Variants in SLC4A10 observed in about 807,000 individuals in gnomAD.
The protein encoded by SLC4A10 is solute carrier family 4 member 10.
A neutral mutation model predicts 137.7 loss-of-function variants in SLC4A10; 42 were observed. The ratio of observed to expected loss-of-function variants is 0.30; its 90% confidence interval spans 0.24 to 0.39. SLC4A10 has a LOEUF of 0.39. Among genes scored for constraint, SLC4A10 ranks in the 10% least tolerant of loss-of-function variants. The pLI, the probability that SLC4A10 is intolerant of heterozygous loss-of-function variation, is 1.00. For synonymous variants in SLC4A10, 474 were observed against 464.1 expected, an observed-to-expected ratio of 1.02 and a Z score of -0.27; for missense variants, 925 against 1,355.0, an observed-to-expected ratio of 0.68 and a Z score of 4.98.
chr2:161,950,742 G>T lies in SLC4A10; in HGVS notation c.2435G>T (p.Trp812Leu). 6.3e-7 allele frequency: 1 copy of T among 1,596,036 alleles called. No homozygotes were observed. The highest frequency in any genetic ancestry group is 2.3e-5 in the East Asian group (1 of 44,214). The change falls in exon 19 of 27, where the codon TGG becomes TTG. Residue 812 changes from tryptophan (W) to leucine (L), a missense_variant. Coordinates refer to ENST00000446997, the MANE Select transcript of SLC4A10 (RefSeq NM_001178015.2). ...ACGCCTTTAGGTCCAAACCCATGGT[G>T]GACAGTAATAGCTGCTATAATTCCA... ...FVTPLGPNPWWTVIAAIIPAL... is the reference protein window; with the variant it reads ...FVTPLGPNPWLTVIAAIIPAL...
intron 1 of SLC4A10, among the ~76,000 whole-genome samples, chr2:161,648,503 C>T (rs934097834): frequency 6.6e-6 from 1 of 152,070 alleles, no homozygotes; most frequent in African/African-American, 2.4e-5. Context: ...ATAAATAGGA[C>T]CAAATGTTCT....
intron 10 of SLC4A10, among the ~76,000 whole-genome samples, chr2:161,883,873 TA>T (rs1376110389): frequency 1.3e-5 from 2 of 152,198 alleles, no homozygotes; most frequent in African/African-American, 4.8e-5. Context: ...TCATTGGATT[TA>T]GGGCCCATCC....
At chr2:161,854,634 C>G (rs2060001410) in intron 4 of SLC4A10, among the ~76,000 whole-genome samples, 1 of 152,144 alleles carries the variant, frequency 6.6e-6, no homozygotes, top group Non-Finnish European at 1.5e-5. Context: ...CATTAACTTT[C>G]CATGAAGTAT....
intron 1 of SLC4A10, among the ~76,000 whole-genome samples, chr2:161,683,265 C>T (rs1400019979): frequency 1.3e-5 from 2 of 152,064 alleles, no homozygotes; most frequent in African/African-American, 2.4e-5. Context: ...ACAAGGACTG[C>T]GTTTAGTTTA....
chr2:161,784,415 T>A (rs190377846), intron 2 of SLC4A10, among the ~76,000 whole-genome samples: 5 of 151,946 alleles, frequency 3.3e-5, no homozygotes, highest in Non-Finnish European at 2.9e-5. Context: ...CCAATAGACA[T>A]GAACATTTCA....
Position 161,848,306 on chromosome 2 carries a change from C to A in SLC4A10, c.417-6664C>A, listed in dbSNP as rs978238732. 1.4e-4 allele frequency among the ~76,000 whole-genome samples: 21 copies of A among 152,096 alleles called. 1 individual carries two copies. Among genetic ancestry groups the A allele is most frequent in the African/African-American group, 5.1e-4 (21 of 41,434 alleles). ...AAACCTTAGTCAGATGCATAGTTTG[C>A]AAACATTTTCTCCTACTCTGTAGGT... On this transcript the variant is annotated intron_variant, in intron 4 of 26. Coordinates refer to ENST00000446997, the MANE Select transcript of SLC4A10 (RefSeq NM_001178015.2).
chr2:161,897,136 T>A (rs4146952), intron 11 of SLC4A10, among the ~76,000 whole-genome samples: 10,410 of 152,240 alleles, frequency 0.068, 459 homozygotes, highest in East Asian at 0.13. Flanking sequence ...AAAGATTTTT[T>A]AAATTTTGTT....
chr2:161,842,647 A>T (rs1157582984), intron 4 of SLC4A10, among the ~76,000 whole-genome samples: 1 of 152,150 alleles, frequency 6.6e-6, no homozygotes, highest in Non-Finnish European at 1.5e-5. Context: ...CTTTAAATAT[A>T]GACTTAAATT....
intron 1 of SLC4A10, among the ~76,000 whole-genome samples, chr2:161,715,414 A>C (rs1344329713): frequency 1.3e-5 from 2 of 152,132 alleles, no homozygotes; most frequent in African/African-American, 4.8e-5. Flanking sequence ...AATGTGTGCC[A>C]AGGTGGTTTG....
intron 19 of SLC4A10, among the ~76,000 whole-genome samples, chr2:161,954,661 T>A (rs1039013826): frequency 3.9e-5 from 6 of 152,218 alleles, no homozygotes; most frequent in African/African-American, 1.4e-4. Context: ...GCTTTATTTA[T>A]TTCCTTTGGT....
In SLC4A10 at chr2:161,811,254, C is replaced by T. The variant is rs538976105; in HGVS notation, c.277+6659C>T. ...TTGATTGTGCTTATTTGGGTCTTCTCTTTTTTTGTTAATCTAACTAGTAGT... is the reference window on the plus strand; with the variant it reads ...TTGATTGTGCTTATTTGGGTCTTCTTTTTTTTTGTTAATCTAACTAGTAGT... On this transcript the variant is annotated intron_variant, in intron 3 of 26. Transcript: ENST00000446997. Among the ~76,000 whole-genome samples the T allele has an allele frequency of 2.2e-3, 335 of 152,002 alleles. 3 individuals carry two copies. Among genetic ancestry groups the T allele is most frequent in the Middle Eastern group, 0.02 (6 of 294 alleles).
At chr2:161,963,411 T>C (rs933782580) in intron 21 of SLC4A10, among the ~76,000 whole-genome samples, 3 of 152,130 alleles carry the variant, frequency 2.0e-5, no homozygotes, top group African/African-American at 7.2e-5. Context: ...GACGTGACAG[T>C]GCTGTATATA....
intron 15 of SLC4A10, among the ~76,000 whole-genome samples, chr2:161,913,494 T>A (rs1372359441): frequency 2.0e-5 from 3 of 152,196 alleles, no homozygotes; most frequent in Admixed American, 2.0e-4. Context: ...ATAACTATGT[T>A]GCAATTTCAG....
chr2:161,698,825 A>G (rs1432706942), intron 1 of SLC4A10, among the ~76,000 whole-genome samples: 2 of 152,274 alleles, frequency 1.3e-5, no homozygotes, highest in East Asian at 1.9e-4. Flanking sequence ...GCCTCATAAA[A>G]TGAGTTAGGG....
chr2:161,897,267 A>T (rs1235887155), intron 11 of SLC4A10, among the ~76,000 whole-genome samples: 2 of 152,104 alleles, frequency 1.3e-5, no homozygotes, highest in East Asian at 3.9e-4. Flanking sequence ...GTGATGACCA[A>T]ATATTTGTTA....
At chr2:161,934,445 T>C (rs1691200387) in intron 15 of SLC4A10, among the ~76,000 whole-genome samples, 1 of 152,182 alleles carries the variant, frequency 6.6e-6, no homozygotes. Flanking sequence ...CTGGCTTATT[T>C]CACTTAATAT....
rs911199024 is a variant in SLC4A10 at position 161,855,959 on chromosome 2, G to A, written c.577+829G>A. 3.3e-5 allele frequency among the ~76,000 whole-genome samples: 5 copies of A among 152,016 alleles called. No individual in the cohort carries two copies. In the East Asian group the frequency reaches 9.6e-4, roughly 29 times the overall value. ...CTTAATATCTTAATCATATTGTAGA[G>A]ATGAAAAACTATATGTGTGTTTTTA... On this transcript the variant is annotated intron_variant, in intron 5 of 26. Coordinates refer to ENST00000446997, the MANE Select transcript of SLC4A10 (RefSeq NM_001178015.2).
intron 4 of SLC4A10, among the ~76,000 whole-genome samples, chr2:161,850,161 G>A (rs751954675): frequency 8.6e-5 from 13 of 152,036 alleles, no homozygotes; most frequent in Non-Finnish European, 1.6e-4. Flanking sequence ...AGGTTGAGGT[G>A]GGTGGATCAC....
chr2:161,836,126 T>C (rs1054734421), intron 3 of SLC4A10, among the ~76,000 whole-genome samples: 1 of 152,166 alleles, frequency 6.6e-6, no homozygotes, highest in South Asian at 2.1e-4. Flanking sequence ...TGTTGATGAC[T>C]GTTCTCAGTT....
Sources: allele counts gnomAD v4.1 joint callset (sites outside exome capture counted in the v4.1 genomes callset), GRCh38; gene constraint gnomAD v4.1.1; transcripts MANE v1.5; gene names NCBI Gene and HGNC (gene_info 2026-07-23, HGNC 2026-07-21).